Variants in DNAH9 observed in about 807,000 individuals in gnomAD.
DNAH9 encodes the protein DNAH9 variant protein.
DNAH9 carries 345 observed loss-of-function variants against 471.6 expected under a neutral mutation model. The observed-to-expected ratio is 0.73, with a 90% confidence interval of 0.67 to 0.80. The LOEUF (loss-of-function observed/expected upper bound fraction) is 0.80, where lower values mean the gene tolerates loss of function less well. DNAH9 is among the 30% of genes least tolerant of loss of function. The pLI, the probability that DNAH9 is intolerant of heterozygous loss-of-function variation, is 0.00. For missense variants in DNAH9, 5,407 were observed against 5,609.2 expected (o/e 0.96, Z 1.15); for synonymous variants, 2,093 against 2,123.6 (o/e 0.99, Z 0.40).
At chr17:11,768,704 A>G (rs1295347309) in intron 37 of DNAH9, 78 bp downstream of exon 37, 25 of 1,523,706 alleles carry the variant, frequency 1.6e-5, no homozygotes, top group Non-Finnish European at 2.0e-5. Flanking sequence ...GCAGCCCCGC[A>G]TGGCTATCTG....
At chr17:11,819,438 G>A (rs1051881794) in intron 45 of DNAH9, among the ~76,000 whole-genome samples, 5 of 149,786 alleles carry the variant, frequency 3.3e-5, no homozygotes, top group Admixed American at 6.6e-5. Context: ...TTTTTTTTGA[G>A]ACGAAGTCTT....
intron 12 of DNAH9, among the ~76,000 whole-genome samples, chr17:11,649,502 A>G (rs1207509954): frequency 1.3e-5 from 2 of 152,212 alleles, no homozygotes; most frequent in East Asian, 3.9e-4. Context: ...TACAACAAAT[A>G]TCCCTAGTTT....
Position 11,822,439 on chromosome 17 carries a change from T to C in DNAH9, c.8852T>C (p.Val2951Ala). 1 of 1,614,184 alleles carries C rather than the reference T, an allele frequency of 6.2e-7. No homozygotes were observed. The highest frequency in any genetic ancestry group is 8.5e-7 in the Non-Finnish European group (1 of 1,180,026). Residue 2951 changes from valine (V) to alanine (A), a missense_variant and splice_region_variant, in exon 47 of 69, where the codon GTG becomes GCG. By Grantham distance (64) the Val-to-Ala change is moderately conservative. This residue lies in a region of DNAH9 where 4,636 missense variants were observed against 4,900.3 expected (regional missense o/e 0.95). Transcript: ENST00000262442. ...CTCCCCACCCTTCTGACTTCTCAGG[T>C]GACTCTCTGTTTCTCCCCTGTGGGA... Reference protein sequence around the residue: ...FIDRIRRQLKVTLCFSPVGNK... With the variant: ...FIDRIRRQLKATLCFSPVGNK...
Position 11,728,098 on chromosome 17 carries a change from GT to G in DNAH9, c.5814+177del, listed in dbSNP as rs1276584856. 3 of 587,158 alleles carry G rather than the reference GT, an allele frequency of 5.1e-6. No homozygotes were observed. The African/African-American group carries it at 5.6e-5, about 11-fold the overall frequency. The allele number at this position is 587,158 out of a possible 1,614,324, so 36.4% of individuals were successfully genotyped here. ...CCAGGGAAGCTGTCCTCCAAAATGG[GT>G]ATCCTTCTGTTACCCACCAAAGTAG... On this transcript the variant is annotated intron_variant, in intron 28 of 68. Coordinates refer to ENST00000262442, the MANE Select transcript of DNAH9 (RefSeq NM_001372.4).
At chr17:11,643,490 A>G (rs553470303) in intron 10 of DNAH9, among the ~76,000 whole-genome samples, 1 of 152,356 alleles carries the variant, frequency 6.6e-6, no homozygotes, top group African/African-American at 2.4e-5. Context: ...CCTGGCATAT[A>G]GTGTTATAGA....
At chr17:11,831,042 A>G (rs1426051996) in intron 48 of DNAH9, among the ~76,000 whole-genome samples, 1 of 152,200 alleles carries the variant, frequency 6.6e-6, no homozygotes, top group Non-Finnish European at 1.5e-5. Flanking sequence ...TCTAAAAGGA[A>G]AGCTTCCTTG....
In DNAH9 at chr17:11,669,720, G is replaced by C; in HGVS notation, c.3279G>C (p.Lys1093Asn). ...TGAAAATTGATATTCGACCCTTTAA[G>C]GCATCTCTGCTGAATATTATTAAGA... Reference protein sequence around the residue: ...GWMKIDIRPFKASLLNIIKRW... With the variant: ...GWMKIDIRPFNASLLNIIKRW... The change falls in exon 17 of 69, where the codon AAG becomes AAC. Residue 1093 changes from lysine (K) to asparagine (N), a missense_variant. Lys to Asn is a moderately conservative substitution (Grantham distance 94, BLOSUM62 0). This residue lies in a region of DNAH9 where 4,636 missense variants were observed against 4,900.3 expected (regional missense o/e 0.95). Transcript: ENST00000262442. 1.2e-6 allele frequency: 2 copies of C among 1,614,154 alleles called. No individual in the cohort carries two copies. Among genetic ancestry groups the C allele is most frequent in the South Asian group, 2.2e-5 (2 of 91,088 alleles).
chr17:11,883,624 C>G lies in DNAH9; in HGVS notation c.10845C>G (p.Thr3615=). 1.2e-6 allele frequency: 2 copies of G among 1,614,106 alleles called. No homozygotes were observed. The highest frequency in any genetic ancestry group is 1.7e-6 in the Non-Finnish European group (2 of 1,180,014). The change falls in exon 56 of 69, where the codon ACC becomes ACG. Residue 3615 remains threonine (T), a synonymous_variant. Coordinates refer to ENST00000262442, the MANE Select transcript of DNAH9 (RefSeq NM_001372.4). ...AGCAGCAGAATGGATTCAAAATTAC[C>G]CTGAAAACGTTGGAAGACAGTCTTC... The part of the protein sequence containing the change: ...LTKQQNGFKI[T]LKTLEDSLLS...
intron 67 of DNAH9, among the ~76,000 whole-genome samples, chr17:11,944,122 T>C (rs1975037933): frequency 6.6e-6 from 1 of 152,096 alleles, no homozygotes; most frequent in Non-Finnish European, 1.5e-5. Flanking sequence ...ATGCAGGGTG[T>C]GAGAGGTAGT....
Position 11,892,148 on chromosome 17 carries a change from T to C in DNAH9, c.11283+201T>C, listed in dbSNP as rs1973072867. Among the ~76,000 whole-genome samples, 1 of 152,188 alleles carries C rather than the reference T, an allele frequency of 6.6e-6. No individual in the cohort carries two copies. Among genetic ancestry groups the C allele is most frequent in the Non-Finnish European group, 1.5e-5 (1 of 68,034 alleles). ...ATTTCCCACTTATGGCAGACATACT[T>C]AATCCATCATTGTACTTTTTCTTGC... is the stretch of plus-strand genomic sequence containing the variant. On this transcript the variant is annotated intron_variant, in intron 58 of 68. Transcript: ENST00000262442. The surrounding 1 kb of genome is among the most constrained non-coding windows in gnomAD (Gnocchi z 4.3).
chr17:11,885,637 C>A (rs543497057), intron 56 of DNAH9, among the ~76,000 whole-genome samples: 2 of 152,086 alleles, frequency 1.3e-5, no homozygotes, highest in African/African-American at 4.8e-5. Context: ...TCCAGATATG[C>A]CTGTTCTTTT....
intron 32 of DNAH9, among the ~76,000 whole-genome samples, chr17:11,748,081 G>T (rs1258475059): frequency 4.7e-5 from 7 of 149,434 alleles, no homozygotes; most frequent in Non-Finnish European, 7.4e-5. Flanking sequence ...GAGGTGGGTG[G>T]ATCACGAGGT....
Position 11,782,672 on chromosome 17 carries a change from G to A in DNAH9, c.7719-974G>A, listed in dbSNP as rs190360543. ...AGCACTTTGGGAGGCCAAGGTGGGC[G>A]AATCACTTGAGCCCAGGAGTTTGAG... On this transcript the variant is annotated intron_variant, in intron 39 of 68. Transcript: ENST00000262442. Among the ~76,000 whole-genome samples the A allele has an allele frequency of 3.9e-3, 600 of 152,234 alleles. 4 individuals are homozygous for A. Among genetic ancestry groups the A allele is most frequent in the African/African-American group, 0.013 (540 of 41,550 alleles).
chr17:11,782,613 C>T (rs1350106224), intron 39 of DNAH9, among the ~76,000 whole-genome samples: 1 of 152,178 alleles, frequency 6.6e-6, no homozygotes, highest in African/African-American at 2.4e-5. Flanking sequence ...CTTGCATAAA[C>T]AGGCTGGGTG....
intron 53 of DNAH9, among the ~76,000 whole-genome samples, chr17:11,878,096 A>G (rs1181471954): frequency 6.6e-6 from 1 of 152,178 alleles, no homozygotes; most frequent in East Asian, 1.9e-4. Flanking sequence ...CCTTCTCCCG[A>G]AACTTTAATT....
chr17:11,633,557 A>G (rs555395109), intron 8 of DNAH9, among the ~76,000 whole-genome samples: 1 of 152,362 alleles, frequency 6.6e-6, no homozygotes, highest in Admixed American at 6.5e-5. Context: ...TCCATTAGCC[A>G]TTGACCATAC....
chr17:11,740,125 A>C (rs1384730256), intron 29 of DNAH9, among the ~76,000 whole-genome samples: 1 of 152,200 alleles, frequency 6.6e-6, no homozygotes, highest in Admixed American at 6.5e-5. Context: ...AAGCTGTCTA[A>C]ACGGGTGCTA....
At chr17:11,923,367 A>ACT (rs1974203785) in intron 61 of DNAH9, among the ~76,000 whole-genome samples, 1 of 151,996 alleles carries the variant, frequency 6.6e-6, no homozygotes, top group East Asian at 1.9e-4. Flanking sequence ...GGAGTGAGCC[A>ACT]GTGGCGCAAT....
At chr17:11,695,139 C>T (rs905836259) in intron 22 of DNAH9, among the ~76,000 whole-genome samples, 3 of 151,776 alleles carry the variant, frequency 2.0e-5, no homozygotes, top group Non-Finnish European at 2.9e-5. Flanking sequence ...CTGCCCATCT[C>T]AGCCTCCCAA....
Sources: allele counts gnomAD v4.1 joint callset (sites outside exome capture counted in the v4.1 genomes callset), GRCh38; gene constraint gnomAD v4.1.1; regional missense constraint gnomAD v4.1.1; non-coding constraint Gnocchi (gnomAD v3.1); transcripts MANE v1.5; gene names NCBI Gene and HGNC (gene_info 2026-07-23, HGNC 2026-07-21).